Variants in AKAP6 observed in about 807,000 individuals in gnomAD.
AKAP6 encodes A-kinase anchor protein 6.
Under a neutral mutation model 188.5 loss-of-function variants are expected in AKAP6, and 58 were observed. The ratio of observed to expected loss-of-function variants is 0.31; its 90% confidence interval spans 0.25 to 0.38. The LOEUF (loss-of-function observed/expected upper bound fraction) is 0.38, where lower values mean the gene tolerates loss of function less well. AKAP6 is among the 10% of genes least tolerant of loss of function. The pLI, the probability that AKAP6 is intolerant of heterozygous loss-of-function variation, is 1.00. For missense variants in AKAP6, 2,710 were observed against 2,740.0 expected (o/e 0.99, Z 0.24); for synonymous variants, 989 against 998.6 (o/e 0.99, Z 0.18).
At chr14:32,455,058 T>G (rs1039769600) in intron 2 of AKAP6, among the ~76,000 whole-genome samples, 1 of 150,928 alleles carries the variant, frequency 6.6e-6, no homozygotes, top group African/African-American at 2.4e-5. Context: ...TTCAACCTCC[T>G]GGGCTCAAGC....
chr14:32,820,016 G>T (rs148241646), intron 12 of AKAP6, among the ~76,000 whole-genome samples: 1 of 152,166 alleles, frequency 6.6e-6, no homozygotes, highest in Non-Finnish European at 1.5e-5. Context: ...CACTTCGCAA[G>T]CACTAGCTTG....
At chr14:32,533,760 G>A (rs1374105652) in intron 2 of AKAP6, among the ~76,000 whole-genome samples, 1 of 152,206 alleles carries the variant, frequency 6.6e-6, no homozygotes, top group Non-Finnish European at 1.5e-5. Context: ...TGGAATATCT[G>A]ATGATAGCAG....
At position 32,823,073 on chromosome 14, in the gene AKAP6, G is replaced by A. The variant is rs780253988; in HGVS notation, c.5260G>A (p.Asp1754Asn). The change falls in exon 13 of 14, where the codon GAC becomes AAC. Residue 1754 changes from aspartate to asparagine, a missense_variant. Physicochemically the swap from Asp to Asn is conservative, Grantham distance 23. Around this residue, in one of 2 missense-constraint regions of AKAP6, gnomAD observed 2,473 missense variants for 2,426.1 expected, o/e 1.02. Coordinates refer to ENST00000280979, the MANE Select transcript of AKAP6 (RefSeq NM_004274.5). ...SACTDDEDDS[D>N]LLSSSTLTLT... ...TTGCACTGATGATGAAGATGACAGCGACCTGCTCTCCAGCTCTACCCTTAC... is the reference window on the plus strand; with the variant it reads ...TTGCACTGATGATGAAGATGACAGCAACCTGCTCTCCAGCTCTACCCTTAC... 5.6e-6 allele frequency: 9 copies of A among 1,613,726 alleles called. No homozygotes were observed. The highest frequency in any genetic ancestry group is 1.1e-5 in the South Asian group (1 of 91,068).
At chr14:32,492,767 A>T (rs1413556577) in intron 2 of AKAP6, among the ~76,000 whole-genome samples, 1 of 152,208 alleles carries the variant, frequency 6.6e-6, no homozygotes, top group Non-Finnish European at 1.5e-5. Context: ...TGAAAAAAAT[A>T]ACTCCTAAGA....
chr14:32,758,647 C>T (rs1276316236), intron 11 of AKAP6, among the ~76,000 whole-genome samples: 1 of 152,032 alleles, frequency 6.6e-6, no homozygotes, highest in Admixed American at 6.6e-5. Flanking sequence ...GCAGGAGAAT[C>T]GCTTGAACCC....
At position 32,649,990 on chromosome 14, in the gene AKAP6, G is replaced by C. The variant is rs138874194; in HGVS notation, c.2731-28321G>C. On this transcript the variant is annotated intron_variant, in intron 7 of 13. Transcript: ENST00000280979. Reference sequence around the variant, plus strand: ...TAGATCACTTTTAGAAACAGAGGCTGAAAAGGGCTCTTGTTCTTCCTTTCC... The same window carrying C: ...TAGATCACTTTTAGAAACAGAGGCTCAAAAGGGCTCTTGTTCTTCCTTTCC... 1.8e-4 allele frequency among the ~76,000 whole-genome samples: 28 copies of C among 152,304 alleles called. No homozygotes were observed. The East Asian group carries it at 5.0e-3, about 27-fold the overall frequency.
intron 12 of AKAP6, among the ~76,000 whole-genome samples, chr14:32,797,781 T>C (rs985392603): frequency 6.6e-6 from 1 of 150,892 alleles, no homozygotes; most frequent in African/African-American, 2.4e-5. Flanking sequence ...AACTTAAAAG[T>C]TGAAGAAAAA....
intron 12 of AKAP6, among the ~76,000 whole-genome samples, chr14:32,808,619 C>A (rs1393328129): frequency 6.6e-6 from 1 of 152,146 alleles, no homozygotes; most frequent in Non-Finnish European, 1.5e-5. Context: ...TCTTGTTTTA[C>A]GGTCCGAAAG....
chr14:32,735,168 A>G (rs2031356129), intron 10 of AKAP6, among the ~76,000 whole-genome samples: 1 of 152,192 alleles, frequency 6.6e-6, no homozygotes, highest in Non-Finnish European at 1.5e-5. Context: ...AATATGTCAC[A>G]AAACAAAAAA....
intron 11 of AKAP6, among the ~76,000 whole-genome samples, chr14:32,745,621 G>A (rs1566682534): frequency 1.3e-5 from 2 of 152,014 alleles, no homozygotes; most frequent in African/African-American, 4.8e-5. Flanking sequence ...CAGACCTGAA[G>A]CCAGCACAGC....
chr14:32,743,657 T>C (rs927689127), intron 11 of AKAP6, among the ~76,000 whole-genome samples: 4 of 152,166 alleles, frequency 2.6e-5, no homozygotes, highest in Admixed American at 1.3e-4. Context: ...AGAAAACTAA[T>C]AAAAACTCTA....
At chr14:32,592,696 C>T (rs1194342943) in intron 5 of AKAP6, among the ~76,000 whole-genome samples, 1 of 152,134 alleles carries the variant, frequency 6.6e-6, no homozygotes, top group Non-Finnish European at 1.5e-5. Context: ...GTAGGAAGGT[C>T]ATTTTGTATA....
intron 5 of AKAP6, among the ~76,000 whole-genome samples, chr14:32,594,684 G>T (rs2139331098): frequency 6.6e-6 from 1 of 152,306 alleles, no homozygotes; most frequent in South Asian, 2.1e-4. Context: ...GGCAGAGATG[G>T]CCTGAGGCAG....
chr14:32,449,424 A>G (rs894429280), intron 2 of AKAP6, among the ~76,000 whole-genome samples: 3 of 150,472 alleles, frequency 2.0e-5, no homozygotes, highest in African/African-American at 7.3e-5. Flanking sequence ...CAGGAGGCTG[A>G]GGCAGGAGAA....
intron 1 of AKAP6, among the ~76,000 whole-genome samples, chr14:32,417,089 G>A (rs61981113): frequency 0.63 from 96,440 of 152,058 alleles, 32,850 homozygotes; most frequent in Non-Finnish European, 0.76. Context: ...TGATCTGCCC[G>A]CCTCACCTCC....
rs2034565329 is a variant in AKAP6 at position 32,822,807 on chromosome 14, A to G, written c.4994A>G (p.Lys1665Arg). The G allele has an allele frequency of 6.2e-7, 1 of 1,614,016 alleles. No homozygotes were observed. Among genetic ancestry groups the G allele is most frequent in the African/African-American group, 1.3e-5 (1 of 75,040 alleles). The change falls in exon 13 of 14, where the codon AAG (lysine) becomes AGG (arginine). Residue 1665 changes from lysine (K) to arginine (R), a missense_variant. Transcript: ENST00000280979. ...ATCACTCTTCAAAGCAGTTCCCAAA[A>G]GATGTCCTTTACTGGCCAGATGTCA... ...SDITLQSSSQ[K>R]MSFTGQMSLD...
intron 2 of AKAP6, among the ~76,000 whole-genome samples, chr14:32,509,693 G>A (rs1391020923): frequency 6.6e-6 from 1 of 152,076 alleles, no homozygotes; most frequent in Admixed American, 6.5e-5. Context: ...GATAGGAGGT[G>A]GCTCCAGGAC....
intron 9 of AKAP6, among the ~76,000 whole-genome samples, chr14:32,719,904 A>G (rs192501139): frequency 4.2e-4 from 62 of 148,982 alleles, no homozygotes; most frequent in African/African-American, 1.3e-3. Context: ...GCAATTGTAG[A>G]AAAAAAAAAG....
intron 7 of AKAP6, among the ~76,000 whole-genome samples, chr14:32,636,484 A>G (rs1439519857): frequency 6.6e-6 from 1 of 152,062 alleles, no homozygotes; most frequent in East Asian, 1.9e-4. Context: ...TGAGAGTGGC[A>G]TTCGTGGTTC....
Sources: allele counts gnomAD v4.1 joint callset (sites outside exome capture counted in the v4.1 genomes callset), GRCh38; gene constraint gnomAD v4.1.1; regional missense constraint gnomAD v4.1.1; transcripts MANE v1.5; gene names NCBI Gene and HGNC (gene_info 2026-07-23, HGNC 2026-07-21).